The following CSMD1 variants were observed in gnomAD, a reference collection of about 807,000 sequenced individuals.
CSMD1 encodes CUB and Sushi multiple domains 1, also known as CUB and sushi domain-containing protein 1.
Under a neutral mutation model 417.5 loss-of-function variants are expected in CSMD1, and 213 were observed. That is an observed-to-expected ratio of 0.51 (90% CI 0.46 to 0.57). The LOEUF (loss-of-function observed/expected upper bound fraction) is 0.57, where lower values mean the gene tolerates loss of function less well. Among genes scored for constraint, CSMD1 ranks in the 20% least tolerant of loss-of-function variants. The pLI, the probability that CSMD1 is intolerant of heterozygous loss-of-function variation, is 0.00. For missense variants in CSMD1, 6,923 were observed against 4,529.7 expected (o/e 1.53, Z -15.17); for synonymous variants, 2,862 against 1,736.8 (o/e 1.65, Z -16.11).
intron 3 of CSMD1, among the ~76,000 whole-genome samples, chr8:4,179,181 T>C (rs1417726298): frequency 1.3e-5 from 2 of 151,622 alleles, no homozygotes; most frequent in Non-Finnish European, 2.9e-5. Context: ...CAAACTATAC[T>C]ACAAGGCTAC....
In CSMD1 at chr8:3,399,378, A is replaced by G; in HGVS notation, c.2405+13T>C. 1.3e-6 allele frequency: 2 copies of G among 1,590,874 alleles called. No homozygotes were observed. The highest frequency in any genetic ancestry group is 1.2e-5 in the South Asian group (1 of 85,888). On this transcript the variant is annotated intron_variant, in intron 16 of 69. Transcript: ENST00000635120. ...CACCATTGGGTCCAAATGAAGACTAATTTTTTTCTTACCTGTCAAAAGTTA... is the reference window on the plus strand; with the variant it reads ...CACCATTGGGTCCAAATGAAGACTAGTTTTTTTCTTACCTGTCAAAAGTTA...
intron 1 of CSMD1, among the ~76,000 whole-genome samples, chr8:4,802,454 G>A (rs1438368815): frequency 6.6e-6 from 1 of 151,946 alleles, no homozygotes; most frequent in Non-Finnish European, 1.5e-5. Flanking sequence ...ATCTCACAGT[G>A]GACTTGAAAA....
At chr8:4,398,937 A>G (rs78088170) in intron 3 of CSMD1, among the ~76,000 whole-genome samples, 2 of 152,206 alleles carry the variant, frequency 1.3e-5, no homozygotes, top group African/African-American at 2.4e-5. Flanking sequence ...GCTCCAGAAT[A>G]TATTCTTGAG....
chr8:4,072,218 T>C (rs1231704504), intron 3 of CSMD1, among the ~76,000 whole-genome samples: 1 of 152,212 alleles, frequency 6.6e-6, no homozygotes, highest in African/African-American at 2.4e-5. Context: ...TTATATTTCA[T>C]CCACAGTTGC....
chr8:3,298,427 G>A (rs1804131076), intron 25 of CSMD1, among the ~76,000 whole-genome samples: 1 of 151,916 alleles, frequency 6.6e-6, no homozygotes, highest in South Asian at 2.1e-4. Context: ...GAAATGAAGT[G>A]AGACACATAA....
chr8:4,260,416 T>C (rs1159075703), intron 3 of CSMD1, among the ~76,000 whole-genome samples: 1 of 152,196 alleles, frequency 6.6e-6, no homozygotes, highest in African/African-American at 2.4e-5. Context: ...ATTATACTTT[T>C]ATTAATATAC....
At chr8:2,974,252 A>G (rs1804725389) in intron 56 of CSMD1, among the ~76,000 whole-genome samples, 199 bp downstream of exon 56, 3 of 152,244 alleles carry the variant, frequency 2.0e-5, no homozygotes, top group African/African-American at 7.2e-5. Context: ...ATTTAAAGTA[A>G]TGGTGTCTAA....
intron 3 of CSMD1, among the ~76,000 whole-genome samples, chr8:4,363,352 G>C (rs909431755): frequency 1.3e-5 from 2 of 152,128 alleles, no homozygotes; most frequent in African/African-American, 2.4e-5. Context: ...TTAGGTACTC[G>C]TATGTGTATG....
At chr8:2,968,215 T>C (rs1372854559) in intron 57 of CSMD1, among the ~76,000 whole-genome samples, 1 of 152,216 alleles carries the variant, frequency 6.6e-6, no homozygotes, top group Non-Finnish European at 1.5e-5. Flanking sequence ...CAAACACATA[T>C]TCCTCACTTA....
At chr8:3,884,249 C>T (rs1363965638) in intron 5 of CSMD1, among the ~76,000 whole-genome samples, 1 of 152,294 alleles carries the variant, frequency 6.6e-6, no homozygotes, top group Non-Finnish European at 1.5e-5. Flanking sequence ...CCTCTAATGG[C>T]AAGTCTAACC....
rs561653956 is a variant in CSMD1 at position 3,308,038 on chromosome 8, G to C, written c.3824-217C>G. 2.6e-5 allele frequency among the ~76,000 whole-genome samples: 4 copies of C among 151,930 alleles called. No individual in the cohort carries two copies. The East Asian group carries it at 7.7e-4, about 29-fold the overall frequency. ...ATGCAATTAAAGTTGAGAGCATAAAGCAATAAGACACTCATGTGATAATTC... is the reference window on the plus strand; with the variant it reads ...ATGCAATTAAAGTTGAGAGCATAAACCAATAAGACACTCATGTGATAATTC... On this transcript the variant is annotated intron_variant, in intron 24 of 69. Coordinates refer to ENST00000635120, the MANE Select transcript of CSMD1 (RefSeq NM_033225.6).
chr8:3,982,609 C>A (rs1403744862), intron 5 of CSMD1, among the ~76,000 whole-genome samples: 1 of 127,772 alleles, frequency 7.8e-6, no homozygotes, highest in East Asian at 2.3e-4. Flanking sequence ...TGAAGTACTG[C>A]TGAGAGAGAA....
chr8:4,227,431 G>C (rs548366181), intron 3 of CSMD1, among the ~76,000 whole-genome samples: 2 of 152,060 alleles, frequency 1.3e-5, no homozygotes, highest in African/African-American at 2.4e-5. Flanking sequence ...GAACCCTATG[G>C]TCAAAGCCTA....
intron 1 of CSMD1, among the ~76,000 whole-genome samples, chr8:4,675,981 G>A (rs1487587754): frequency 6.6e-6 from 1 of 152,174 alleles, no homozygotes; most frequent in Admixed American, 6.6e-5. Context: ...ATAGATAATA[G>A]CAATTCTTCA....
At chr8:3,299,357 C>G (rs1226205139) in intron 25 of CSMD1, among the ~76,000 whole-genome samples, 1 of 152,084 alleles carries the variant, frequency 6.6e-6, no homozygotes, top group African/African-American at 2.4e-5. Context: ...GAGGCTCAGG[C>G]AGGAGCATTG....
chr8:4,211,728 G>C (rs1188500755), intron 3 of CSMD1, among the ~76,000 whole-genome samples: 1 of 152,138 alleles, frequency 6.6e-6, no homozygotes, highest in Non-Finnish European at 1.5e-5. Context: ...TGCAAGTGGG[G>C]AGTTGACAAA....
At chr8:4,038,951 G>A (rs1047147822) in intron 3 of CSMD1, among the ~76,000 whole-genome samples, 8 of 152,140 alleles carry the variant, frequency 5.3e-5, no homozygotes, top group Admixed American at 1.3e-4. Flanking sequence ...ACAATTCAGT[G>A]ACTTAATTGG....
intron 3 of CSMD1, among the ~76,000 whole-genome samples, chr8:4,244,344 C>G (rs564421178): frequency 5.9e-5 from 9 of 152,212 alleles, no homozygotes; most frequent in African/African-American, 2.2e-4. Context: ...GCTCCAAGAA[C>G]TGGGATTTTA....
Position 4,091,473 on chromosome 8 carries a change from G to A in CSMD1, c.416-59374C>T, listed in dbSNP as rs190276429. On this transcript the variant is annotated intron_variant, in intron 3 of 69. Coordinates refer to ENST00000635120, the MANE Select transcript of CSMD1 (RefSeq NM_033225.6). Reference sequence around the variant, plus strand: ...ACGTCAGAAAAACAGCAAACAGAGGGATTTTTAAAAGTATTTACTTATATG... The same window carrying A: ...ACGTCAGAAAAACAGCAAACAGAGGAATTTTTAAAAGTATTTACTTATATG... Among the ~76,000 whole-genome samples the A allele has an allele frequency of 5.3e-5, 8 of 152,244 alleles. No individual in the cohort carries two copies. In the East Asian group the frequency reaches 1.5e-3, roughly 29 times the overall value.
Sources: allele counts gnomAD v4.1 joint callset (sites outside exome capture counted in the v4.1 genomes callset), GRCh38; gene constraint gnomAD v4.1.1; transcripts MANE v1.5; gene names NCBI Gene and HGNC (gene_info 2026-07-23, HGNC 2026-07-21).